JMY: variants seen among roughly 807,000 people sequenced by gnomAD.
The protein encoded by JMY is junction mediating and regulatory protein, p53 cofactor.
JMY carries 46 observed loss-of-function variants against 103.3 expected under a neutral mutation model. The ratio of observed to expected loss-of-function variants is 0.45; its 90% confidence interval spans 0.35 to 0.57. JMY has a LOEUF of 0.57. JMY is among the 20% of genes least tolerant of loss of function. The pLI is 0.00. For synonymous variants in JMY, 526 were observed against 489.3 expected (o/e 1.07, Z -0.99); for missense variants, 1,238 against 1,255.2 (o/e 0.99, Z 0.21).
intron 1 of JMY, among the ~76,000 whole-genome samples, chr5:79,270,314 T>C (rs191645244): frequency 0.011 from 1,535 of 143,824 alleles, 38 homozygotes; most frequent in African/African-American, 0.038. Flanking sequence ...ATATTTAAAA[T>C]ATATATTTAC....
intron 6 of JMY, among the ~76,000 whole-genome samples, chr5:79,305,476 A>G (rs1223663645): frequency 1.3e-5 from 2 of 152,070 alleles, no homozygotes; most frequent in African/African-American, 2.4e-5. Flanking sequence ...TCATTTTAGT[A>G]TAGCTTTGGA....
intron 2 of JMY, among the ~76,000 whole-genome samples, chr5:79,283,139 T>C (rs1284006002): frequency 1.3e-5 from 2 of 151,980 alleles, no homozygotes; most frequent in African/African-American, 2.4e-5. Context: ...ATTACAGGCA[T>C]GTGCCGCAAT....
chr5:79,263,961 C>A (rs1745503191), intron 1 of JMY, among the ~76,000 whole-genome samples: 1 of 151,804 alleles, frequency 6.6e-6, no homozygotes, highest in South Asian at 2.1e-4. Flanking sequence ...CCACACCCAG[C>A]TAATTAGTAG....
intron 1 of JMY, among the ~76,000 whole-genome samples, chr5:79,272,217 C>T (rs1745807056): frequency 6.6e-6 from 1 of 151,278 alleles, no homozygotes. Context: ...GCTTCTTATG[C>T]TTTACTGTTT....
chr5:79,274,462 C>T (rs545197017), intron 1 of JMY, among the ~76,000 whole-genome samples: 1 of 152,018 alleles, frequency 6.6e-6, no homozygotes, highest in Non-Finnish European at 1.5e-5. Flanking sequence ...GGCTGTAGTG[C>T]AGTGGCATGA....
chr5:79,311,526 TATCTG>T (rs956065474), intron 7 of JMY, among the ~76,000 whole-genome samples: 12 of 152,268 alleles, frequency 7.9e-5, no homozygotes, highest in African/African-American at 2.9e-4. Context: ...CATTTGAAAT[TATCTG>T]GTCTGGTCTT....
intron 10 of JMY, among the ~76,000 whole-genome samples, chr5:79,318,040 C>A (rs1396066585): frequency 6.6e-6 from 1 of 152,144 alleles, no homozygotes; most frequent in Admixed American, 6.5e-5. Flanking sequence ...TTCACTCTCT[C>A]ACCCAGGGTG....
At chr5:79,244,724 T>G (rs1196842263) in intron 1 of JMY, among the ~76,000 whole-genome samples, 4 of 151,828 alleles carry the variant, frequency 2.6e-5, no homozygotes, top group Non-Finnish European at 5.9e-5. Context: ...GGCCAGGACC[T>G]GCTTCCTCTG....
intron 1 of JMY, among the ~76,000 whole-genome samples, chr5:79,243,481 C>T (rs1744800577): frequency 6.6e-6 from 1 of 152,136 alleles, no homozygotes; most frequent in African/African-American, 2.4e-5. Context: ...GAGAGCTGCT[C>T]TGTCTGGCAG....
rs191423611 is a variant in JMY, at chr5:79,237,102, G to A, written c.452G>A (p.Gly151Asp). Residue 151 changes from glycine to aspartate, a missense_variant, in exon 1 of 11, where the codon GGT becomes GAT. Gly to Asp is a moderately conservative substitution (Grantham distance 94, BLOSUM62 -1). Coordinates refer to ENST00000396137, the MANE Select transcript of JMY (RefSeq NM_152405.5). ...CCAGTGCGGGCCAAACCCATCCCGG[G>A]TCAGAAAACATCTGAAGCCGACGAT... is the stretch of plus-strand genomic sequence containing the variant. Reference protein sequence around the residue: ...RSPVRAKPIPGQKTSEADDAA... With the variant: ...RSPVRAKPIPDQKTSEADDAA... The A allele has an allele frequency of 1.9e-6, 3 of 1,548,474 alleles. No homozygotes were observed. The highest frequency in any genetic ancestry group is 2.0e-5 in the Admixed American group (1 of 50,954).
At chr5:79,239,466 C>G (rs1744665292) in intron 1 of JMY, among the ~76,000 whole-genome samples, 1 of 152,044 alleles carries the variant, frequency 6.6e-6, no homozygotes, top group Admixed American at 6.5e-5. Flanking sequence ...TTAAAAATCC[C>G]TTAATGAATG....
intron 1 of JMY, among the ~76,000 whole-genome samples, chr5:79,239,632 C>A (rs1362761764): frequency 2.6e-5 from 4 of 151,902 alleles, no homozygotes. Flanking sequence ...CGGTGAAACC[C>A]CGTCTCTACT....
intron 4 of JMY, among the ~76,000 whole-genome samples, chr5:79,292,245 C>G (rs1746443376): frequency 6.6e-6 from 1 of 152,142 alleles, no homozygotes; most frequent in Non-Finnish European, 1.5e-5. Flanking sequence ...GTTACTGGCT[C>G]TCTGGAGTTG....
intron 2 of JMY, chr5:79,284,591 C>T: frequency 1.3e-6 from 2 of 1,534,484 alleles, no homozygotes; most frequent in Non-Finnish European, 1.8e-6. Context: ...GACCATGGAA[C>T]ACATTTTGTC....
chr5:79,253,783 T>C (rs943528780), intron 1 of JMY, among the ~76,000 whole-genome samples: 1 of 152,080 alleles, frequency 6.6e-6, no homozygotes, highest in East Asian at 1.9e-4. Context: ...GCTCAAGCAG[T>C]GCCCCCATCT....
At chr5:79,247,596 C>T (rs777617407) in intron 1 of JMY, among the ~76,000 whole-genome samples, 10 of 152,184 alleles carry the variant, frequency 6.6e-5, no homozygotes, top group East Asian at 3.9e-4. Flanking sequence ...GGATTATAAA[C>T]GTGAGCCACC....
In JMY at chr5:79,306,405, A is replaced by G; in HGVS notation, c.1912A>G (p.Ile638Val). 6.2e-7 allele frequency: 1 copy of G among 1,613,322 alleles called. No homozygotes were observed. The highest frequency in any genetic ancestry group is 2.2e-5 in the East Asian group (1 of 44,852). ...ATGTATTGCAAAACACAATGAAAAA[A>G]TCCAACAGCGCACTCGGATTGAAGA... is the stretch of plus-strand genomic sequence containing the variant. ...EICIAKHNEK[I>V]QQRTRIEDEY... is the part of the protein sequence containing the mutation. Residue 638 changes from isoleucine to valine, a missense_variant, in exon 7 of 11, where the codon ATC becomes GTC. Coordinates refer to ENST00000396137, the MANE Select transcript of JMY (RefSeq NM_152405.5).
Position 79,300,719 on chromosome 5 carries a change from G to A in JMY, c.1737G>A (p.Met579Ile), listed in dbSNP as rs750619880. 1 of 1,610,484 alleles carries A rather than the reference G, an allele frequency of 6.2e-7. No individual in the cohort carries two copies. Among genetic ancestry groups the A allele is most frequent in the South Asian group, 1.1e-5 (1 of 90,182 alleles). Residue 579 changes from methionine (M) to isoleucine (I), a missense_variant, in exon 6 of 11, where the codon ATG (methionine) becomes ATA (isoleucine). Met to Ile is a conservative substitution (Grantham distance 10, BLOSUM62 1). Transcript: ENST00000396137. Reference sequence around the variant, plus strand: ...TATACTATGACACTTACGAAAGCATGGAGGCCATGCTGGAGAAGGAAGAGA... The same window carrying A: ...TATACTATGACACTTACGAAAGCATAGAGGCCATGCTGGAGAAGGAAGAGA... ...EVVYYDTYES[M>I]EAMLEKEEMA...
intron 2 of JMY, among the ~76,000 whole-genome samples, chr5:79,287,548 A>C (rs1017444244): frequency 2.0e-5 from 3 of 152,162 alleles, no homozygotes; most frequent in Non-Finnish European, 2.9e-5. Context: ...TGGGAGACTG[A>C]GGCAGGAGGA....
Sources: gnomAD v4.1 joint callset for allele counts (sites outside exome capture counted in the v4.1 genomes callset) on GRCh38, gnomAD v4.1.1 for gene constraint, MANE v1.5 for transcripts, NCBI Gene and HGNC (gene_info 2026-07-23, HGNC 2026-07-21) for gene names.